Variants in CSMD1 observed in about 807,000 individuals in gnomAD.
CSMD1 encodes the protein CUB and Sushi multiple domains 1.
CSMD1 carries 213 observed loss-of-function variants against 417.5 expected under a neutral mutation model. That is an observed-to-expected ratio of 0.51 (90% CI 0.46 to 0.57). CSMD1 has a LOEUF of 0.57. Among genes scored for constraint, CSMD1 ranks in the 20% least tolerant of loss-of-function variants. CSMD1 has a pLI of 0.00. For missense variants in CSMD1, 6,923 were observed against 4,529.7 expected (o/e 1.53, Z -15.17); for synonymous variants, 2,862 against 1,736.8 (o/e 1.65, Z -16.11).
At chr8:4,918,978 G>C (rs951076672) in intron 1 of CSMD1, among the ~76,000 whole-genome samples, 17 of 152,158 alleles carry the variant, frequency 1.1e-4, no homozygotes, top group Non-Finnish European at 2.1e-4. Context: ...TTACGATTGA[G>C]TTGTTTGGGC....
intron 5 of CSMD1, among the ~76,000 whole-genome samples, chr8:3,908,003 C>T (rs1000019387): frequency 8.5e-5 from 13 of 152,084 alleles, no homozygotes; most frequent in Non-Finnish European, 1.2e-4. Flanking sequence ...GATATGTTCA[C>T]AGTTTCCTCT....
At chr8:4,671,311 A>T (rs1274256112) in intron 1 of CSMD1, among the ~76,000 whole-genome samples, 1 of 152,152 alleles carries the variant, frequency 6.6e-6, no homozygotes, top group African/African-American at 2.4e-5. Context: ...TAACATGGCA[A>T]TTCTTTATTC....
At chr8:3,411,345 C>T (rs528341724) in intron 12 of CSMD1, among the ~76,000 whole-genome samples, 1 of 150,330 alleles carries the variant, frequency 6.7e-6, no homozygotes, top group African/African-American at 2.5e-5. Context: ...TTTTTAGTAA[C>T]CTAACTACTT....
At chr8:3,445,289 C>T (rs10283040) in intron 12 of CSMD1, among the ~76,000 whole-genome samples, 13,636 of 152,116 alleles carry the variant, frequency 0.09, 693 homozygotes, top group Middle Eastern at 0.14. Flanking sequence ...ATTTTGGGGA[C>T]GTCACTAAGG....
intron 1 of CSMD1, among the ~76,000 whole-genome samples, chr8:4,638,850 C>A (rs546396086): frequency 2.0e-5 from 3 of 152,306 alleles, no homozygotes; most frequent in African/African-American, 7.2e-5. Flanking sequence ...GTCTGAGGAA[C>A]TGATTTCATT....
chr8:3,483,374 A>T (rs1297540117), intron 11 of CSMD1, among the ~76,000 whole-genome samples: 2 of 152,108 alleles, frequency 1.3e-5, no homozygotes, highest in African/African-American at 4.8e-5. Flanking sequence ...TCATAAATTC[A>T]ACATATTATT....
At chr8:3,978,738 C>T (rs1813630900) in intron 5 of CSMD1, among the ~76,000 whole-genome samples, 1 of 152,036 alleles carries the variant, frequency 6.6e-6, no homozygotes, top group Non-Finnish European at 1.5e-5. Flanking sequence ...AAGACATATC[C>T]CCAGCATACG....
intron 33 of CSMD1, among the ~76,000 whole-genome samples, chr8:3,192,738 G>A (rs1563129613): frequency 6.6e-6 from 1 of 152,136 alleles, no homozygotes; most frequent in Admixed American, 6.5e-5. Flanking sequence ...ATTGTGATTT[G>A]TCCATCACAG....
intron 18 of CSMD1, among the ~76,000 whole-genome samples, chr8:3,371,368 T>G (rs1343420207): frequency 1.3e-5 from 2 of 152,084 alleles, no homozygotes; most frequent in Non-Finnish European, 2.9e-5. Context: ...CATTCCTGCT[T>G]GCTGAAGAAT....
At chr8:3,627,096 G>C (rs909235195) in intron 7 of CSMD1, among the ~76,000 whole-genome samples, 3 of 152,044 alleles carry the variant, frequency 2.0e-5, no homozygotes, top group Admixed American at 6.6e-5. Context: ...GTTTAACATT[G>C]TAATTAACCT....
chr8:4,621,761 G>A (rs1360362691), intron 2 of CSMD1, among the ~76,000 whole-genome samples: 1 of 151,944 alleles, frequency 6.6e-6, no homozygotes, highest in African/African-American at 2.4e-5. Flanking sequence ...CATGTATACA[G>A]ACACAAATAT....
intron 3 of CSMD1, among the ~76,000 whole-genome samples, chr8:4,279,621 C>A (rs753759426): frequency 7.2e-5 from 11 of 152,120 alleles, no homozygotes; most frequent in Non-Finnish European, 1.5e-4. Context: ...AGGATAAATG[C>A]TTAACTTTGG....
At chr8:4,397,972 A>C (rs981200723) in intron 3 of CSMD1, among the ~76,000 whole-genome samples, 13 of 152,208 alleles carry the variant, frequency 8.5e-5, no homozygotes, top group Non-Finnish European at 1.5e-4. Flanking sequence ...CCTGCTACTG[A>C]AAAGACTTAG....
chr8:4,010,597 T>TCA (rs113113714), intron 4 of CSMD1, among the ~76,000 whole-genome samples: 14,108 of 152,106 alleles, frequency 0.093, 715 homozygotes, highest in Middle Eastern at 0.15. Flanking sequence ...GACTACATTC[T>TCA]GAGCCCAACT....
intron 3 of CSMD1, among the ~76,000 whole-genome samples, chr8:4,229,698 C>A (rs894664071): frequency 6.6e-5 from 10 of 152,158 alleles, no homozygotes; most frequent in Admixed American, 6.5e-5. Context: ...TGTACAGCCT[C>A]AGCCCCTTCC....
chr8:4,250,590 G>A (rs770180356), intron 3 of CSMD1, among the ~76,000 whole-genome samples: 7 of 152,192 alleles, frequency 4.6e-5, no homozygotes, highest in African/African-American at 1.7e-4. Flanking sequence ...ACTCATGTAC[G>A]ATTATAATTG....
intron 1 of CSMD1, among the ~76,000 whole-genome samples, chr8:4,950,123 A>AT (rs1808642615): frequency 6.6e-6 from 1 of 152,154 alleles, no homozygotes; most frequent in Non-Finnish European, 1.5e-5. Flanking sequence ...ATATGATAAG[A>AT]TTTTAATATA....
At chr8:4,803,665 A>G (rs546326840) in intron 1 of CSMD1, among the ~76,000 whole-genome samples, 18 of 152,370 alleles carry the variant, frequency 1.2e-4, no homozygotes, top group East Asian at 9.6e-4. Flanking sequence ...AAATGAAAAC[A>G]TATCAGTAAA....
At chr8:4,921,703 T>C (rs1156608399) in intron 1 of CSMD1, among the ~76,000 whole-genome samples, 1 of 152,206 alleles carries the variant, frequency 6.6e-6, no homozygotes, top group Non-Finnish European at 1.5e-5. Context: ...CAGGAATGTG[T>C]ATGCAATGTT....
Sources: gnomAD v4.1 joint callset for allele counts (sites outside exome capture counted in the v4.1 genomes callset) on GRCh38, gnomAD v4.1.1 for gene constraint, MANE v1.5 for transcripts, NCBI Gene and HGNC (gene_info 2026-07-23, HGNC 2026-07-21) for gene names.